GALNT13: variants seen among roughly 807,000 people sequenced by gnomAD.
GALNT13 encodes the protein polypeptide N-acetylgalactosaminyltransferase 13, also known as UDP-GalNAc:polypeptide N-acetylgalactosaminyltransferase 13.
A neutral mutation model predicts 64.2 loss-of-function variants in GALNT13; 28 were observed. The ratio of observed to expected loss-of-function variants is 0.44; its 90% CI spans 0.32 to 0.60. The LOEUF is 0.60. Among genes scored for constraint, GALNT13 ranks in the 20% least tolerant of loss-of-function variants. The pLI, the probability that GALNT13 is intolerant of heterozygous loss-of-function variation, is 0.05. For synonymous variants in GALNT13, 214 were observed against 224.6 expected (o/e 0.95, Z 0.42); for missense variants, 577 against 669.8 (o/e 0.86, Z 1.53).
At chr2:153,838,237 G>T in the GALNT13 span, among the ~76,000 whole-genome samples, 4 of 151,922 alleles carry the variant, frequency 2.6e-5, no homozygotes, top group Non-Finnish European at 5.9e-5. Flanking sequence ...TTCCTCTGCA[G>T]AAACTTTTTA....
At chr2:153,667,135 T>C in the GALNT13 span, among the ~76,000 whole-genome samples, 1 of 152,064 alleles carries the variant, frequency 6.6e-6, no homozygotes, top group Non-Finnish European at 1.5e-5. Context: ...GATATGAGAT[T>C]ATGTAAAGGC....
rs1697243447 is a variant in GALNT13 at position 154,019,201 on chromosome 2, T to C, written c.142+74562T>C. 3.3e-5 allele frequency among the ~76,000 whole-genome samples: 5 copies of C among 152,154 alleles called. No homozygotes were observed. In the South Asian group the frequency reaches 1.0e-3, roughly 32 times the overall value. ...CATCACTCATTCAACCCTAAGAAAC[T>C]TAACCAAGATATAAATTAAATCAAA... On this transcript the variant is annotated intron_variant, in intron 3 of 12. Coordinates refer to ENST00000392825, the MANE Select transcript of GALNT13 (RefSeq NM_052917.4).
chr2:154,141,731 A>G (rs1467708633), intron 4 of GALNT13, among the ~76,000 whole-genome samples: 2 of 152,212 alleles, frequency 1.3e-5, no homozygotes, highest in Admixed American at 6.5e-5. Flanking sequence ...CTCATTGTCT[A>G]TATGACTCTT....
chr2:154,287,238 C>A, intron 8 of GALNT13: 2 of 1,086,374 alleles, frequency 1.8e-6, no homozygotes, highest in Non-Finnish European at 2.8e-6. Flanking sequence ...AAGAAGGCAG[C>A]CATCATCTTT....
upstream of GALNT13, among the ~76,000 whole-genome samples, chr2:153,870,301 G>A (rs1231236269): frequency 1.3e-5 from 2 of 152,096 alleles, no homozygotes; most frequent in Non-Finnish European, 2.9e-5. Context: ...TTATCACAAA[G>A]ACTGCAAAAT....
At chr2:154,202,620 G>A (rs577794721) in intron 4 of GALNT13, among the ~76,000 whole-genome samples, 1 of 151,968 alleles carries the variant, frequency 6.6e-6, no homozygotes, top group Non-Finnish European at 1.5e-5. Flanking sequence ...CAAGATCCAA[G>A]CTTTCTTCAC....
intron 4 of GALNT13, among the ~76,000 whole-genome samples, chr2:154,147,329 G>C (rs943652761): frequency 4.0e-5 from 6 of 149,638 alleles, no homozygotes; most frequent in Non-Finnish European, 7.4e-5. Flanking sequence ...ATATGTATTT[G>C]AATGGAATAT....
the GALNT13 span, among the ~76,000 whole-genome samples, chr2:153,304,463 A>G: frequency 2.0e-5 from 3 of 152,172 alleles, no homozygotes; most frequent in African/African-American, 7.2e-5. Context: ...GTATTCTCCA[A>G]TTCATTGAAA....
At chr2:153,945,726 G>A (rs1414516699) in intron 3 of GALNT13, among the ~76,000 whole-genome samples, 1 of 151,996 alleles carries the variant, frequency 6.6e-6, no homozygotes, top group African/African-American at 2.4e-5. Flanking sequence ...TTTAATTTTT[G>A]TTCAAAGAGT....
chr2:153,536,063 G>T, the GALNT13 span, among the ~76,000 whole-genome samples: 3 of 152,284 alleles, frequency 2.0e-5, no homozygotes, highest in East Asian at 5.8e-4. Context: ...TCTTAGCAAA[G>T]TCTGCCCTTA....
the GALNT13 span, among the ~76,000 whole-genome samples, chr2:153,852,985 G>A: frequency 6.6e-6 from 1 of 152,122 alleles, no homozygotes; most frequent in African/African-American, 2.4e-5. Flanking sequence ...AAGTCAGTGT[G>A]AGTCCCATAA....
At chr2:153,918,912 C>G (rs1689572800) in intron 2 of GALNT13, among the ~76,000 whole-genome samples, 1 of 152,076 alleles carries the variant, frequency 6.6e-6, no homozygotes, top group African/African-American at 2.4e-5. Context: ...GTGTCACATT[C>G]ATTCACACCT....
the GALNT13 span, among the ~76,000 whole-genome samples, chr2:153,460,509 ATCT>A: frequency 6.6e-6 from 1 of 152,050 alleles, no homozygotes; most frequent in Non-Finnish European, 1.5e-5. Flanking sequence ...CATTATTCCG[ATCT>A]TCTTATTTAC....
At chr2:153,241,035 C>T in the GALNT13 span, among the ~76,000 whole-genome samples, 1 of 152,084 alleles carries the variant, frequency 6.6e-6, no homozygotes, top group African/African-American at 2.4e-5. Flanking sequence ...AAGGGATACT[C>T]TTAAAGTTCT....
chr2:153,368,407 T>C, the GALNT13 span, among the ~76,000 whole-genome samples: 1 of 152,118 alleles, frequency 6.6e-6, no homozygotes, highest in Non-Finnish European at 1.5e-5. Context: ...TCACTCTGAA[T>C]TTGGACTTTC....
chr2:153,440,477 T>A, the GALNT13 span, among the ~76,000 whole-genome samples: 1 of 152,190 alleles, frequency 6.6e-6, no homozygotes, highest in Non-Finnish European at 1.5e-5. Flanking sequence ...GTAATGGGAT[T>A]GCTGGGTCAA....
intron 3 of GALNT13, among the ~76,000 whole-genome samples, chr2:154,092,648 T>A (rs1029828568): frequency 1.3e-5 from 2 of 152,048 alleles, no homozygotes; most frequent in African/African-American, 2.4e-5. Flanking sequence ...TAACCAGGAA[T>A]GTACTTAGGG....
At chr2:153,236,191 G>T in the GALNT13 span, among the ~76,000 whole-genome samples, 1 of 152,136 alleles carries the variant, frequency 6.6e-6, no homozygotes, top group Non-Finnish European at 1.5e-5. Context: ...GCTAACAGAG[G>T]TTGGTTCATG....
chr2:153,556,184 G>A, the GALNT13 span, among the ~76,000 whole-genome samples: 1 of 151,768 alleles, frequency 6.6e-6, no homozygotes, highest in Non-Finnish European at 1.5e-5. Context: ...GACCTTGTAG[G>A]AATAAAGAAT....
Sources: gnomAD v4.1 joint callset for allele counts (sites outside exome capture counted in the v4.1 genomes callset) on GRCh38, gnomAD v4.1.1 for gene constraint, MANE v1.5 for transcripts, NCBI Gene and HGNC (gene_info 2026-07-23, HGNC 2026-07-21) for gene names.